Variants in PLCXD3 observed in about 807,000 individuals in gnomAD.
PLCXD3 encodes phosphatidylinositol specific phospholipase C X domain containing 3.
A neutral mutation model predicts 25.5 loss-of-function variants in PLCXD3; 19 were observed. The ratio of observed to expected loss-of-function variants is 0.75; its 90% CI spans 0.52 to 1.09. The LOEUF (loss-of-function observed/expected upper bound fraction) is 1.09, where lower values mean the gene tolerates loss of function less well. PLCXD3 is among the 50% of genes least tolerant of loss of function. The pLI is 0.00. For synonymous variants in PLCXD3, 174 were observed against 137.6 expected, an observed-to-expected ratio of 1.26 and a Z score of -1.85; for missense variants, 411 against 388.1, an observed-to-expected ratio of 1.06 and a Z score of -0.50.
At chr5:41,378,755 G>T (rs1745368907) in intron 2 of PLCXD3, among the ~76,000 whole-genome samples, 1 of 152,062 alleles carries the variant, frequency 6.6e-6, no homozygotes, top group Non-Finnish European at 1.5e-5. Context: ...GGAGAGTTGT[G>T]TAGAATATAA....
intron 1 of PLCXD3, among the ~76,000 whole-genome samples, chr5:41,410,347 G>T (rs78857452): frequency 0.11 from 16,384 of 151,686 alleles, 1,071 homozygotes; most frequent in Admixed American, 0.17. Context: ...GTTTCACCAT[G>T]TTGGCCGGTA....
intron 1 of PLCXD3, among the ~76,000 whole-genome samples, chr5:41,392,764 G>A (rs1291981756): frequency 9.7e-6 from 1 of 103,562 alleles, no homozygotes; most frequent in Non-Finnish European, 2.3e-5. Flanking sequence ...TGGCCTTTCA[G>A]ATAGAAAATT....
intron 1 of PLCXD3, among the ~76,000 whole-genome samples, chr5:41,446,724 G>A (rs1305398172): frequency 3.9e-5 from 6 of 152,088 alleles, no homozygotes; most frequent in African/African-American, 1.4e-4. Context: ...AGTTTTTTCT[G>A]CTGGGTGTTT....
At chr5:41,450,793 C>T (rs543622963) in intron 1 of PLCXD3, among the ~76,000 whole-genome samples, 1 of 152,130 alleles carries the variant, frequency 6.6e-6, no homozygotes, top group African/African-American at 2.4e-5. Flanking sequence ...TCACACAACC[C>T]CATTCTCTCC....
intron 1 of PLCXD3, among the ~76,000 whole-genome samples, chr5:41,455,783 A>G (rs1052045269): frequency 6.6e-6 from 1 of 151,946 alleles, no homozygotes; most frequent in African/African-American, 2.4e-5. Flanking sequence ...TGTATTCTGA[A>G]AAGGCTTTAG....
intron 1 of PLCXD3, among the ~76,000 whole-genome samples, chr5:41,501,583 C>T (rs1318339035): frequency 2.6e-5 from 4 of 151,910 alleles, no homozygotes; most frequent in African/African-American, 7.3e-5. Context: ...AAGTTTTAGT[C>T]ATGCAAGATG....
chr5:41,476,709 T>C (rs1748291574), intron 1 of PLCXD3, among the ~76,000 whole-genome samples: 1 of 152,202 alleles, frequency 6.6e-6, no homozygotes, highest in Admixed American at 6.5e-5. Flanking sequence ...AATGTGACCA[T>C]ATGCTGAGTC....
At chr5:41,484,789 TA>T (rs960553689) in intron 1 of PLCXD3, among the ~76,000 whole-genome samples, 15 of 152,198 alleles carry the variant, frequency 9.9e-5, no homozygotes, top group Admixed American at 6.6e-5. Flanking sequence ...ACTGTCATGT[TA>T]AAATATTGTT....
At chr5:41,338,215 A>G (rs1011775361) in intron 2 of PLCXD3, among the ~76,000 whole-genome samples, 1 of 152,168 alleles carries the variant, frequency 6.6e-6, no homozygotes, top group Non-Finnish European at 1.5e-5. Flanking sequence ...ACAATGCTTC[A>G]TGAGAGATTA....
intron 1 of PLCXD3, among the ~76,000 whole-genome samples, chr5:41,489,473 A>T (rs1042614631): frequency 6.6e-6 from 1 of 152,106 alleles, no homozygotes; most frequent in African/African-American, 2.4e-5. Flanking sequence ...GATGAAAGGC[A>T]TTGGTAGCTT....
intron 1 of PLCXD3, among the ~76,000 whole-genome samples, chr5:41,499,344 A>G (rs1748905161): frequency 6.6e-6 from 1 of 151,724 alleles, no homozygotes. Context: ...GTGTTTTTAT[A>G]CACTAAAAAT....
intron 1 of PLCXD3, among the ~76,000 whole-genome samples, chr5:41,394,080 C>G (rs992572543): frequency 4.6e-5 from 7 of 151,960 alleles, no homozygotes; most frequent in African/African-American, 1.7e-4. Context: ...ATAACTACAA[C>G]AATGTTTCAA....
chr5:41,372,066 T>G (rs1274105206), intron 2 of PLCXD3, among the ~76,000 whole-genome samples: 1 of 152,120 alleles, frequency 6.6e-6, no homozygotes, highest in African/African-American at 2.4e-5. Context: ...TCCATCCTTA[T>G]TCTCTCTACC....
At chr5:41,325,227 A>G (rs182350988) in intron 2 of PLCXD3, among the ~76,000 whole-genome samples, 60 of 152,328 alleles carry the variant, frequency 3.9e-4, no homozygotes, top group African/African-American at 1.4e-3. Flanking sequence ...CATTCCTCTG[A>G]GTCATGGGAA....
chr5:41,427,890 A>G (rs1403432474), intron 1 of PLCXD3, among the ~76,000 whole-genome samples: 1 of 152,198 alleles, frequency 6.6e-6, no homozygotes, highest in South Asian at 2.1e-4. Context: ...CACATGGGAA[A>G]CATATTTTTT....
In PLCXD3 at chr5:41,439,354, C is replaced by T. The variant is rs796924351; in HGVS notation, c.104-56820G>A. Among the ~76,000 whole-genome samples, 6 of 152,228 alleles carry T rather than the reference C, an allele frequency of 3.9e-5. 1 individual carries two copies. The highest frequency in any genetic ancestry group is 1.2e-4 in the African/African-American group (5 of 41,536). On this transcript the variant is annotated intron_variant, in intron 1 of 2. Transcript: ENST00000377801. Reference sequence around the variant, plus strand: ...ACTTTTAGGAGGGCATATTAATGTGCTAAATGAAAGACTGCATTTCCCAAT... The same window carrying T: ...ACTTTTAGGAGGGCATATTAATGTGTTAAATGAAAGACTGCATTTCCCAAT...
At chr5:41,392,588 T>C (rs951263409) in intron 1 of PLCXD3, among the ~76,000 whole-genome samples, 6 of 152,098 alleles carry the variant, frequency 3.9e-5, no homozygotes, top group Non-Finnish European at 7.3e-5. Context: ...CCAAAAAAGA[T>C]AGCTACAAAT....
chr5:41,353,944 A>AT (rs536891001), intron 2 of PLCXD3, among the ~76,000 whole-genome samples: 87 of 152,128 alleles, frequency 5.7e-4, no homozygotes, highest in Non-Finnish European at 8.5e-4. Context: ...TTTTATCTTT[A>AT]TATCTTTGGT....
chr5:41,451,807 G>A (rs76308738), intron 1 of PLCXD3, among the ~76,000 whole-genome samples: 1,674 of 152,018 alleles, frequency 0.011, 27 homozygotes, highest in African/African-American at 0.038. Flanking sequence ...AGCCTTCAGA[G>A]AGCAATTTTC....
Sources: gnomAD v4.1 joint callset for allele counts (sites outside exome capture counted in the v4.1 genomes callset) on GRCh38, gnomAD v4.1.1 for gene constraint, MANE v1.5 for transcripts, NCBI Gene and HGNC (gene_info 2026-07-23, HGNC 2026-07-21) for gene names.